Variants in CYP2C19 observed in about 807,000 individuals in gnomAD.
CYP2C19 encodes cytochrome P450 2C19.
A neutral mutation model predicts 40.9 loss-of-function variants in CYP2C19; 59 were observed. The ratio of observed to expected loss-of-function variants is 1.44; its 90% CI spans 1.17 to 1.79. The LOEUF (loss-of-function observed/expected upper bound fraction) is 1.79. Among genes scored for constraint, CYP2C19 ranks in the 40% most tolerant of loss-of-function variants. The probability of loss-of-function intolerance (pLI) is 0.00; values close to 1 mark genes in which losing one functional copy is unlikely to be tolerated. For synonymous variants in CYP2C19, 253 were observed against 208.7 expected (o/e 1.21, Z -1.83); for missense variants, 754 against 596.9 (o/e 1.26, Z -2.74).
At position 94,850,066 on chromosome 10, in the gene CYP2C19, A is replaced by G. The variant is rs777490712; in HGVS notation, c.1291+8A>G. 2 of 1,613,166 alleles carry G rather than the reference A, an allele frequency of 1.2e-6. No homozygotes were observed. Among genetic ancestry groups the G allele is most frequent in the Non-Finnish European group, 1.7e-6 (2 of 1,179,382 alleles). The stretch of plus-strand genomic sequence containing the variant: ...TCATGCCTTTCTCAGCAGGTAATAT[A>G]AATTTATTTCCCTTTGTGTTTCAGG... On this transcript the variant is annotated splice_region_variant and intron_variant, in intron 8 of 8. Transcript: ENST00000371321.
Position 94,818,008 on chromosome 10 carries a change from A to G in CYP2C19, c.820-2488A>G, listed in dbSNP as rs867484964. ...AGCCTGGGCGACAGAGTGAGACTCCATCTCAAAAAAAAAAAAAAAAAAAAA... is the reference window on the plus strand; with the variant it reads ...AGCCTGGGCGACAGAGTGAGACTCCGTCTCAAAAAAAAAAAAAAAAAAAAA... On this transcript the variant is annotated intron_variant, in intron 5 of 8. Transcript: ENST00000371321. Among the ~76,000 whole-genome samples the G allele has an allele frequency of 6.5e-3, 394 of 60,242 alleles. 1 individual carries two copies. The highest frequency in any genetic ancestry group is 0.025 in the African/African-American group (376 of 14,806). 39.5% of individuals were successfully genotyped at this position (60,242 alleles called of 152,430 possible).
intron 6 of CYP2C19, among the ~76,000 whole-genome samples, chr10:94,838,539 TGG>T (rs1040881148): frequency 6.6e-6 from 1 of 152,184 alleles, no homozygotes; most frequent in Admixed American, 6.5e-5. Context: ...GCACTCTGGC[TGG>T]GCCGAATTCT....
chr10:94,784,431 A>T (rs553663512), intron 5 of CYP2C19, among the ~76,000 whole-genome samples: 1 of 152,078 alleles, frequency 6.6e-6, no homozygotes, highest in South Asian at 2.1e-4. Flanking sequence ...TGCTGGGTCA[A>T]ATGGTAATTT....
chr10:94,802,490 A>T (rs927894348), intron 5 of CYP2C19, among the ~76,000 whole-genome samples: 1 of 151,998 alleles, frequency 6.6e-6, no homozygotes, highest in Admixed American at 6.6e-5. Flanking sequence ...TGCATGTGAG[A>T]TGGGTCTCCT....
At chr10:94,788,778 T>C (rs1228306946) in intron 5 of CYP2C19, among the ~76,000 whole-genome samples, 1 of 152,218 alleles carries the variant, frequency 6.6e-6, no homozygotes, top group African/African-American at 2.4e-5. Flanking sequence ...TCCAAGTCTT[T>C]GCTGTTGTGA....
At chr10:94,842,664 A>T (rs1232111572) in intron 6 of CYP2C19, among the ~76,000 whole-genome samples, 173 bp from the exon 7 acceptor site, 2 of 152,058 alleles carry the variant, frequency 1.3e-5, no homozygotes, top group African/African-American at 2.4e-5. Flanking sequence ...GCACAGTTAC[A>T]CATTTGTGCA....
chr10:94,804,850 C>T (rs1485435172), intron 5 of CYP2C19, among the ~76,000 whole-genome samples: 2 of 152,164 alleles, frequency 1.3e-5, no homozygotes, highest in East Asian at 3.8e-4. Flanking sequence ...TGCTAATTGC[C>T]TCTAATCTGC....
At chr10:94,814,248 C>T (rs1343185947) in intron 5 of CYP2C19, among the ~76,000 whole-genome samples, 2 of 151,846 alleles carry the variant, frequency 1.3e-5, no homozygotes, top group African/African-American at 2.4e-5. Context: ...GCCAGCCACC[C>T]TCCTGATTGA....
At chr10:94,812,992 T>G (rs534353510) in intron 5 of CYP2C19, among the ~76,000 whole-genome samples, 3 of 151,542 alleles carry the variant, frequency 2.0e-5, no homozygotes, top group Non-Finnish European at 4.4e-5. Context: ...TTTTTTCTCA[T>G]ATTTGTGGAT....
Position 94,849,702 on chromosome 10 carries a change from A to G in CYP2C19, c.1150-215A>G, listed in dbSNP as rs958037014. On this transcript the variant is annotated intron_variant, in intron 7 of 8. Coordinates refer to ENST00000371321, the MANE Select transcript of CYP2C19 (RefSeq NM_000769.4). The stretch of plus-strand genomic sequence containing the variant: ...TGTGTCCATGTGTTCTCATTGTTCA[A>G]TTCCTGATTGTGGGCATTTTAGCAA... Among the ~76,000 whole-genome samples, 4 of 137,914 alleles carry G rather than the reference A, an allele frequency of 2.9e-5. No homozygotes were observed. The Admixed American group carries it at 3.4e-4, about 12-fold the overall frequency. 90.5% of individuals were successfully genotyped at this position (137,914 alleles called of 152,430 possible). A position where few individuals can be genotyped will look rare whatever the true frequency, so the allele number is the denominator to read the frequency against.
chr10:94,840,082 G>T (rs1401636712), intron 6 of CYP2C19, among the ~76,000 whole-genome samples: 1 of 151,966 alleles, frequency 6.6e-6, no homozygotes, highest in African/African-American at 2.4e-5. Context: ...TAGTTAAGTA[G>T]TTGTTTCTAC....
intron 1 of CYP2C19, among the ~76,000 whole-genome samples, chr10:94,771,554 A>AG (rs1848331394): frequency 6.6e-6 from 1 of 152,128 alleles, no homozygotes; most frequent in South Asian, 2.1e-4. Context: ...GCCATAGTGC[A>AG]GAAAAAAATG....
chr10:94,786,577 G>C (rs1848543537), intron 5 of CYP2C19, among the ~76,000 whole-genome samples: 1 of 152,054 alleles, frequency 6.6e-6, no homozygotes, highest in African/African-American at 2.4e-5. Flanking sequence ...GCATGTTCAA[G>C]TTTGTTACAT....
intron 4 of CYP2C19, among the ~76,000 whole-genome samples, chr10:94,780,957 T>A (rs1452649192): frequency 6.6e-6 from 1 of 152,138 alleles, no homozygotes; most frequent in Non-Finnish European, 1.5e-5. Context: ...AAAGCGTGCT[T>A]ATATCACTCC....
intron 5 of CYP2C19, among the ~76,000 whole-genome samples, chr10:94,784,249 A>G (rs1848513638): frequency 6.6e-6 from 1 of 152,072 alleles, no homozygotes; most frequent in Admixed American, 6.5e-5. Context: ...TTGTGGATAA[A>G]GTATATTTTA....
rs149984109 is a variant in CYP2C19 at position 94,766,535 on chromosome 10, T to C, written c.168+3662T>C. ...AGAGTATGGTTAATATGCTGCTTAA[T>C]AATATGATGAAATAGTAAAAGGGTT... is the stretch of plus-strand genomic sequence containing the variant. On this transcript the variant is annotated intron_variant, in intron 1 of 8. Transcript: ENST00000371321. Among the ~76,000 whole-genome samples, 6 of 152,230 alleles carry C rather than the reference T, an allele frequency of 3.9e-5. No individual in the cohort carries two copies. In the East Asian group the frequency reaches 1.2e-3, roughly 29 times the overall value.
chr10:94,762,967 G>A (rs1400317388), intron 1 of CYP2C19, 94 bp downstream of exon 1: 77 of 1,318,122 alleles, frequency 5.8e-5, no homozygotes, highest in Non-Finnish European at 8.3e-5. Context: ...TGTTACAAGA[G>A]ATCATTGTAA....
At chr10:94,828,235 G>T (rs983315135) in intron 6 of CYP2C19, among the ~76,000 whole-genome samples, 1 of 151,390 alleles carries the variant, frequency 6.6e-6, no homozygotes, top group Non-Finnish European at 1.5e-5. Flanking sequence ...TTTCTGTCTC[G>T]TTGATCTGTC....
chr10:94,841,195 G>A (rs1849489993), intron 6 of CYP2C19, among the ~76,000 whole-genome samples: 1 of 152,214 alleles, frequency 6.6e-6, no homozygotes, highest in Non-Finnish European at 1.5e-5. Flanking sequence ...AAAAGCTGTG[G>A]GTCATGGAAG....
Sources: gnomAD v4.1 joint callset for allele counts (sites outside exome capture counted in the v4.1 genomes callset) on GRCh38, gnomAD v4.1.1 for gene constraint, MANE v1.5 for transcripts, NCBI Gene and HGNC (gene_info 2026-07-23, HGNC 2026-07-21) for gene names.